PDSS2: variants seen among roughly 807,000 people sequenced by gnomAD.
The protein encoded by PDSS2 is decaprenyl diphosphate synthase subunit 2.
A neutral mutation model predicts 44.5 loss-of-function variants in PDSS2; 31 were observed. The ratio of observed to expected loss-of-function variants is 0.70; its 90% CI spans 0.52 to 0.94. PDSS2 has a LOEUF of 0.94. PDSS2 is among the 40% of genes least tolerant of loss of function. The pLI, the probability that PDSS2 is intolerant of heterozygous loss-of-function variation, is 0.00. For synonymous variants in PDSS2, 157 were observed against 180.3 expected (o/e 0.87, Z 1.03); for missense variants, 452 against 482.2 (o/e 0.94, Z 0.59).
At chr6:107,413,901 T>C (rs1033826828) in intron 1 of PDSS2, among the ~76,000 whole-genome samples, 1 of 152,148 alleles carries the variant, frequency 6.6e-6, no homozygotes, top group African/African-American at 2.4e-5. Context: ...AGAATATGTA[T>C]GGGATAAACT....
At chr6:107,388,759 T>C (rs1779690912) in intron 1 of PDSS2, among the ~76,000 whole-genome samples, 1 of 152,142 alleles carries the variant, frequency 6.6e-6, no homozygotes, top group South Asian at 2.1e-4. Context: ...TGCTCGGCCA[T>C]ATGTGAATTT....
At chr6:107,420,556 A>C (rs1006948815) in intron 1 of PDSS2, among the ~76,000 whole-genome samples, 5 of 152,230 alleles carry the variant, frequency 3.3e-5, no homozygotes, top group Non-Finnish European at 5.9e-5. Flanking sequence ...ACAAAGGTAC[A>C]AAAGTAGTTC....
At chr6:107,260,348 G>A (rs1229542536) in intron 3 of PDSS2, among the ~76,000 whole-genome samples, 1 of 152,078 alleles carries the variant, frequency 6.6e-6, no homozygotes, top group East Asian at 1.9e-4. Flanking sequence ...TAAATTTTTT[G>A]TTGCGTATTT....
At chr6:107,222,034 C>T (rs1773625007) in intron 4 of PDSS2, among the ~76,000 whole-genome samples, 1 of 152,184 alleles carries the variant, frequency 6.6e-6, no homozygotes, top group South Asian at 2.1e-4. Flanking sequence ...TTCTGGGTCA[C>T]TATCTTTATA....
chr6:107,442,696 T>A (rs967700301), intron 1 of PDSS2, among the ~76,000 whole-genome samples: 10 of 152,202 alleles, frequency 6.6e-5, no homozygotes, highest in African/African-American at 2.4e-4. Flanking sequence ...ACACCCAACA[T>A]ACTTCTGCTA....
intron 3 of PDSS2, among the ~76,000 whole-genome samples, chr6:107,259,812 C>A (rs965961282): frequency 6.6e-6 from 1 of 152,134 alleles, no homozygotes; most frequent in African/African-American, 2.4e-5. Context: ...ATGTAAAATA[C>A]ATAAGTGCTA....
intron 6 of PDSS2, among the ~76,000 whole-genome samples, chr6:107,202,240 A>G (rs1313750639): frequency 6.6e-6 from 1 of 152,060 alleles, no homozygotes; most frequent in Non-Finnish European, 1.5e-5. Flanking sequence ...GGATCTTGCT[A>G]TGTTGCCTAG....
intron 7 of PDSS2, among the ~76,000 whole-genome samples, chr6:107,160,049 C>G (rs935431982): frequency 6.6e-6 from 1 of 151,948 alleles, no homozygotes; most frequent in Non-Finnish European, 1.5e-5. Flanking sequence ...AACTCCATCT[C>G]TACTAAAAAT....
intron 1 of PDSS2, among the ~76,000 whole-genome samples, chr6:107,400,488 T>C (rs577264055): frequency 2.6e-5 from 4 of 152,286 alleles, no homozygotes; most frequent in African/African-American, 9.6e-5. Context: ...GCCGCAGTTT[T>C]TGTCCTGGGA....
At chr6:107,455,708 C>T (rs1338386994) in intron 1 of PDSS2, among the ~76,000 whole-genome samples, 1 of 123,996 alleles carries the variant, frequency 8.1e-6, no homozygotes, top group Non-Finnish European at 1.6e-5. Context: ...GAGCCGAGAT[C>T]AGGCCACTGG....
rs939837380 is a variant in PDSS2, at chr6:107,275,571, G to A, written c.432-1344C>T. On this transcript the variant is annotated intron_variant, in intron 2 of 7. Coordinates refer to ENST00000369037, the MANE Select transcript of PDSS2 (RefSeq NM_020381.4). ...TGATAAGCTTTTCACAGTCACAGGC[G>A]TTGCATGACCCCAAGCAGAAGAACA... is the stretch of plus-strand genomic sequence containing the variant. Among the ~76,000 whole-genome samples the A allele has an allele frequency of 2.6e-5, 4 of 152,008 alleles. No homozygotes were observed. In the East Asian group the frequency reaches 5.8e-4, roughly 22 times the overall value.
chr6:107,297,841 G>C (rs1363790504), intron 2 of PDSS2, among the ~76,000 whole-genome samples: 1 of 152,252 alleles, frequency 6.6e-6, no homozygotes, highest in Non-Finnish European at 1.5e-5. Flanking sequence ...CACCTCCCAG[G>C]TTCTAGCAAC....
At chr6:107,156,559 G>A (rs1770906342) in intron 7 of PDSS2, among the ~76,000 whole-genome samples, 1 of 152,158 alleles carries the variant, frequency 6.6e-6, no homozygotes, top group Non-Finnish European at 1.5e-5. Context: ...TTAGGCACAG[G>A]GGCAGTCTCA....
chr6:107,185,791 C>G (rs1772144825), intron 7 of PDSS2, among the ~76,000 whole-genome samples: 1 of 152,202 alleles, frequency 6.6e-6, no homozygotes, highest in Admixed American at 6.5e-5. Flanking sequence ...GCACTCTTCC[C>G]TCTAGCACTG....
At chr6:107,333,659 C>T (rs922545037) in intron 2 of PDSS2, among the ~76,000 whole-genome samples, 1 of 152,142 alleles carries the variant, frequency 6.6e-6, no homozygotes, top group Non-Finnish European at 1.5e-5. Flanking sequence ...CTTTAGTCTC[C>T]TGAGTAACAG....
chr6:107,374,334 TG>T (rs1779218344), intron 1 of PDSS2, among the ~76,000 whole-genome samples: 1 of 151,544 alleles, frequency 6.6e-6, no homozygotes, highest in Non-Finnish European at 1.5e-5. Flanking sequence ...CTAAAGTTAA[TG>T]CTCAGTTAGG....
chr6:107,403,727 G>A lies in PDSS2; in HGVS notation c.296+55263C>T, dbSNP rs137877307. Among the ~76,000 whole-genome samples the A allele has an allele frequency of 4.7e-3, 720 of 152,316 alleles. 4 individuals are homozygous for A. The highest frequency in any genetic ancestry group is 0.016 in the African/African-American group (672 of 41,566). ...CTGAGCTGTATCTTGGCCCCTTTTA[G>A]CCATGGCTGGAGCGGCTGGGATGCA... is the stretch of plus-strand genomic sequence containing the variant. On this transcript the variant is annotated intron_variant, in intron 1 of 7. Transcript: ENST00000369037.
At chr6:107,367,802 CAAAAAAAAAAAAAAA>C (rs58861327) in intron 1 of PDSS2, among the ~76,000 whole-genome samples, 8 of 101,668 alleles carry the variant, frequency 7.9e-5, no homozygotes, top group Non-Finnish European at 1.3e-4. Flanking sequence ...AACTCTGTCT[CAAAAAAAAAAAAAAA>C]AAAAATTAAA....
chr6:107,308,382 T>C (rs1054747367), intron 2 of PDSS2, among the ~76,000 whole-genome samples: 4 of 152,198 alleles, frequency 2.6e-5, no homozygotes, highest in Non-Finnish European at 5.9e-5. Context: ...ATATAAAGTA[T>C]AAAAAGCATT....
Sources: gnomAD v4.1 joint callset for allele counts (sites outside exome capture counted in the v4.1 genomes callset) on GRCh38, gnomAD v4.1.1 for gene constraint, MANE v1.5 for transcripts, NCBI Gene and HGNC (gene_info 2026-07-23, HGNC 2026-07-21) for gene names.